The following SDK1 variants were observed in gnomAD, a reference collection of about 807,000 sequenced individuals.
The protein encoded by SDK1 is sidekick cell adhesion molecule 1, also known as protein sidekick-1.
SDK1 carries 157 observed loss-of-function variants against 245.5 expected under a neutral mutation model. That is an observed-to-expected ratio of 0.64 (90% CI 0.56 to 0.73). The LOEUF (loss-of-function observed/expected upper bound fraction) is 0.73, where lower values mean the gene tolerates loss of function less well. Among genes scored for constraint, SDK1 ranks in the 30% least tolerant of loss-of-function variants. The pLI, the probability that SDK1 is intolerant of heterozygous loss-of-function variation, is 0.00. For synonymous variants in SDK1, 1,647 were observed against 1,278.5 expected, an observed-to-expected ratio of 1.29 and a Z score of -6.15; for missense variants, 3,583 against 3,002.3, an observed-to-expected ratio of 1.19 and a Z score of -4.52.
At chr7:3,370,304 G>T (rs1259111865) in intron 1 of SDK1, among the ~76,000 whole-genome samples, 2 of 152,196 alleles carry the variant, frequency 1.3e-5, no homozygotes, top group East Asian at 1.9e-4. Context: ...TCAGTACAGG[G>T]TGTACCAACA....
chr7:4,143,595 C>G (rs1402601289), intron 28 of SDK1, among the ~76,000 whole-genome samples: 1 of 152,206 alleles, frequency 6.6e-6, no homozygotes, highest in African/African-American at 2.4e-5. Flanking sequence ...GGTGCACCCC[C>G]AAAGGTGTGT....
intron 17 of SDK1, among the ~76,000 whole-genome samples, chr7:4,032,554 A>G (rs532509178): frequency 1.3e-5 from 2 of 152,344 alleles, no homozygotes; most frequent in African/African-American, 4.8e-5. Context: ...AAGTGATTAA[A>G]CTATCTTTAT....
At position 3,610,502 on chromosome 7, in the gene SDK1, G is replaced by A. The variant is rs73039610; in HGVS notation, c.299-8578G>A. Among the ~76,000 whole-genome samples the A allele has an allele frequency of 4.5e-3, 685 of 152,326 alleles. 6 individuals are homozygous for A. The highest frequency in any genetic ancestry group is 7.1e-3 in the Non-Finnish European group (481 of 68,034). On this transcript the variant is annotated intron_variant, in intron 1 of 44. Transcript: ENST00000404826. The stretch of plus-strand genomic sequence containing the variant: ...TTTGAAGTAAAATATTGGAGAGCTG[G>A]AAGCTTATTTCAGTTTGGAGAAACG...
chr7:3,463,910 T>C (rs1186212273), intron 1 of SDK1, among the ~76,000 whole-genome samples: 1 of 152,232 alleles, frequency 6.6e-6, no homozygotes, highest in Admixed American at 6.5e-5. Flanking sequence ...AGTTCTTTTG[T>C]TCTGCCTTAG....
At chr7:3,414,147 G>A (rs1323968476) in intron 1 of SDK1, among the ~76,000 whole-genome samples, 1 of 152,122 alleles carries the variant, frequency 6.6e-6, no homozygotes, top group Non-Finnish European at 1.5e-5. Flanking sequence ...ATGCCTTATG[G>A]GTGATAGGCA....
At chr7:3,580,371 C>G (rs1460422820) in intron 1 of SDK1, among the ~76,000 whole-genome samples, 1 of 152,172 alleles carries the variant, frequency 6.6e-6, no homozygotes, top group Non-Finnish European at 1.5e-5. Flanking sequence ...CTGGAGGCAT[C>G]ATGTTACCTG....
At chr7:3,984,656 C>T (rs1199029358) in intron 13 of SDK1, among the ~76,000 whole-genome samples, 1 of 152,076 alleles carries the variant, frequency 6.6e-6, no homozygotes, top group Non-Finnish European at 1.5e-5. Flanking sequence ...CCTCTCCTGC[C>T]CTGGCTTCTC....
chr7:3,510,802 A>G (rs1486619186), intron 1 of SDK1, among the ~76,000 whole-genome samples: 2 of 152,232 alleles, frequency 1.3e-5, no homozygotes, highest in Non-Finnish European at 2.9e-5. Context: ...AGGCCTGGAT[A>G]CGTTCATGGA....
At chr7:3,711,216 CTCT>C (rs891300996) in intron 4 of SDK1, among the ~76,000 whole-genome samples, 4 of 152,208 alleles carry the variant, frequency 2.6e-5, no homozygotes, top group Admixed American at 2.0e-4. Flanking sequence ...TTTTGCAGAT[CTCT>C]TCTTCTCTTT....
intron 1 of SDK1, among the ~76,000 whole-genome samples, chr7:3,617,943 C>G (rs570712549): frequency 6.6e-6 from 1 of 152,174 alleles, no homozygotes; most frequent in African/African-American, 2.4e-5. Context: ...GCCTGGAGTG[C>G]TCGGTGTGAG....
chr7:3,516,475 C>T (rs1391453684), intron 1 of SDK1, among the ~76,000 whole-genome samples: 2 of 152,088 alleles, frequency 1.3e-5, no homozygotes, highest in Admixed American at 6.6e-5. Context: ...AGGTGTTCTA[C>T]TTAAAGAGCT....
intron 4 of SDK1, among the ~76,000 whole-genome samples, chr7:3,741,290 A>C: frequency 6.6e-6 from 1 of 152,246 alleles, no homozygotes; most frequent in African/African-American, 2.4e-5. Flanking sequence ...AGGCCCTGTC[A>C]GCCCACCTCC....
At chr7:3,918,850 A>G (rs1031144434) in intron 5 of SDK1, among the ~76,000 whole-genome samples, 1 of 151,894 alleles carries the variant, frequency 6.6e-6, no homozygotes, top group African/African-American at 2.4e-5. Context: ...GGTTTCCCAC[A>G]TACATGGCTT....
chr7:4,005,393 A>AGTGTGTGTGTGT (rs71032920), intron 14 of SDK1, among the ~76,000 whole-genome samples: 149 of 129,910 alleles, frequency 1.1e-3, no homozygotes, highest in South Asian at 1.9e-3. Flanking sequence ...TTCTTATGTG[A>AGTGTGTGTGTGT]GTGTGTGTGT....
chr7:3,748,642 G>T (rs1166783584), intron 4 of SDK1, among the ~76,000 whole-genome samples: 1 of 152,080 alleles, frequency 6.6e-6, no homozygotes, highest in Admixed American at 6.5e-5. Flanking sequence ...TCTAATACAT[G>T]TTCAGTTTCC....
chr7:3,797,144 C>G (rs1411364201), intron 4 of SDK1, among the ~76,000 whole-genome samples: 4 of 151,956 alleles, frequency 2.6e-5, no homozygotes, highest in African/African-American at 9.7e-5. Context: ...GTACCTGGGA[C>G]TACAGATGTG....
chr7:3,621,974 G>A (rs932016370), intron 2 of SDK1, among the ~76,000 whole-genome samples: 1 of 152,176 alleles, frequency 6.6e-6, no homozygotes, highest in African/African-American at 2.4e-5. Context: ...ATATTCAACA[G>A]TTTATTATAA....
chr7:3,873,579 A>G (rs1038108874), intron 5 of SDK1, among the ~76,000 whole-genome samples: 1 of 152,036 alleles, frequency 6.6e-6, no homozygotes, highest in African/African-American at 2.4e-5. Context: ...CCAATTATGT[A>G]TATGTTAGGC....
intron 4 of SDK1, among the ~76,000 whole-genome samples, chr7:3,801,734 C>T (rs1779112093): frequency 6.6e-6 from 1 of 152,208 alleles, no homozygotes; most frequent in Non-Finnish European, 1.5e-5. Flanking sequence ...GCTTCCTTGG[C>T]CTCCTTTGGC....
Sources: allele counts gnomAD v4.1 joint callset (sites outside exome capture counted in the v4.1 genomes callset), GRCh38; gene constraint gnomAD v4.1.1; transcripts MANE v1.5; gene names NCBI Gene and HGNC (gene_info 2026-07-23, HGNC 2026-07-21).